The following PCDH15 variants were observed in gnomAD, a reference collection of about 807,000 sequenced individuals.
The protein encoded by PCDH15 is protocadherin related 15, also known as protocadherin-15.
In PCDH15, 129 loss-of-function variants were observed where a neutral mutation model predicts 178.5. The observed-to-expected ratio is 0.72, with a 90% CI of 0.63 to 0.84. PCDH15 has a LOEUF of 0.84. PCDH15 is among the 40% of genes least tolerant of loss of function. PCDH15 has a pLI of 0.00. For synonymous variants in PCDH15, 800 were observed against 732.0 expected (o/e 1.09, Z -1.50); for missense variants, 2,230 against 2,099.9 (o/e 1.06, Z -1.21).
chr10:55,544,467 A>C (rs1841835548), intron 2 of PCDH15, among the ~76,000 whole-genome samples: 1 of 152,036 alleles, frequency 6.6e-6, no homozygotes, highest in African/African-American at 2.4e-5. Context: ...TCTGTTCTCC[A>C]AAATCTTCTC....
chr10:53,917,639 T>C (rs2083634793), intron 25 of PCDH15, among the ~76,000 whole-genome samples: 1 of 152,150 alleles, frequency 6.6e-6, no homozygotes, highest in South Asian at 2.1e-4. Context: ...TATGTTCTTT[T>C]TTTTCTTGAG....
intron 3 of PCDH15, among the ~76,000 whole-genome samples, chr10:54,832,105 T>C (rs1376832498): frequency 6.6e-6 from 1 of 152,152 alleles, no homozygotes; most frequent in Non-Finnish European, 1.5e-5. Flanking sequence ...GGTTCTTTTA[T>C]GTTCCAATTC....
At chr10:54,149,789 A>G (rs2044338070) in intron 14 of PCDH15, among the ~76,000 whole-genome samples, 1 of 152,178 alleles carries the variant, frequency 6.6e-6, no homozygotes, top group African/African-American at 2.4e-5. Context: ...AAGACTTGTA[A>G]TTGGAAGAAG....
intron 2 of PCDH15, among the ~76,000 whole-genome samples, chr10:55,018,569 G>A (rs748128563): frequency 3.9e-5 from 6 of 151,968 alleles, no homozygotes; most frequent in Non-Finnish European, 7.4e-5. Context: ...GGGATACTGA[G>A]GAATAACTGT....
intron 2 of PCDH15, among the ~76,000 whole-genome samples, chr10:55,434,165 C>CCGCCT (rs1324356847): frequency 1.4e-5 from 2 of 140,812 alleles, no homozygotes; most frequent in African/African-American, 5.4e-5. Context: ...ACTGCAAGCT[C>CCGCCT]CGCCTCCCGG....
intron 6 of PCDH15, among the ~76,000 whole-genome samples, chr10:54,339,221 G>A (rs2384453): frequency 0.071 from 10,820 of 152,128 alleles, 494 homozygotes; most frequent in African/African-American, 0.12. Context: ...TGTCATTCAC[G>A]TTAGTGTAAT....
intron 2 of PCDH15, among the ~76,000 whole-genome samples, chr10:54,565,812 C>T (rs528503383): frequency 3.8e-3 from 579 of 152,234 alleles, no homozygotes; most frequent in African/African-American, 0.012. Context: ...AGGCCAGGCG[C>T]GGTGGCTCAT....
intron 2 of PCDH15, among the ~76,000 whole-genome samples, chr10:55,099,251 T>G (rs1009685268): frequency 3.9e-5 from 6 of 152,112 alleles, no homozygotes; most frequent in Admixed American, 3.3e-4. Flanking sequence ...ACTTACAGCT[T>G]CTTCAAATTT....
rs74641761 is a variant in PCDH15, at chr10:54,945,360, G to T, written c.-79-47860C>A. ...TAGATAGATAGATAGATGATAGATA[G>T]ATATATAGATAGATAGATAGATAGA... On this transcript the variant is annotated intron_variant, in intron 2 of 5. Coordinates refer to the PCDH15 transcript ENST00000458638. Among the ~76,000 whole-genome samples, 337 of 139,776 alleles carry T rather than the reference G, an allele frequency of 2.4e-3. 2 individuals carry two copies. Among genetic ancestry groups the T allele is most frequent in the South Asian group, 8.2e-3 (37 of 4,518 alleles). 91.7% of individuals were successfully genotyped at this position (139,776 alleles called of 152,430 possible).
At chr10:54,341,436 G>T (rs994843232) in intron 6 of PCDH15, among the ~76,000 whole-genome samples, 1 of 152,164 alleles carries the variant, frequency 6.6e-6, no homozygotes, top group Non-Finnish European at 1.5e-5. Flanking sequence ...ATGATTGTAA[G>T]TTTCCTGAGG....
At chr10:55,222,834 T>C (rs1017582063) in intron 1 of PCDH15, among the ~76,000 whole-genome samples, 2 of 151,014 alleles carry the variant, frequency 1.3e-5, no homozygotes, top group African/African-American at 2.4e-5. Flanking sequence ...GTGAGAAATG[T>C]CATTCTAAAA....
chr10:54,062,227 C>CAAAAAAAAAAAAAAAAAAAAAAAAAAAA (rs72361686), intron 18 of PCDH15, among the ~76,000 whole-genome samples: 3 of 53,836 alleles, frequency 5.6e-5, no homozygotes, highest in Admixed American at 1.9e-4. Flanking sequence ...GATTCTGTCT[C>CAAAAAAAAAAAAAAAAAAAAAAAAAAAA]AAAAAAAAAA....
intron 18 of PCDH15, among the ~76,000 whole-genome samples, chr10:54,052,825 G>A (rs2093807107): frequency 6.6e-6 from 1 of 152,120 alleles, no homozygotes; most frequent in South Asian, 2.1e-4. Flanking sequence ...GTTGTGGGAG[G>A]AACCCAGTGG....
chr10:55,266,389 T>G (rs1842294915), intron 1 of PCDH15, among the ~76,000 whole-genome samples: 2 of 152,140 alleles, frequency 1.3e-5, no homozygotes, highest in Admixed American at 1.3e-4. Flanking sequence ...TCATCCATAT[T>G]TTAACAGCAG....
At chr10:54,018,162 C>T (rs993947250) in intron 20 of PCDH15, among the ~76,000 whole-genome samples, 1 of 152,066 alleles carries the variant, frequency 6.6e-6, no homozygotes. Context: ...ACCTTCTTTT[C>T]CTTAGGACCC....
At chr10:54,557,092 T>G (rs897325605) in intron 2 of PCDH15, among the ~76,000 whole-genome samples, 1 of 152,178 alleles carries the variant, frequency 6.6e-6, no homozygotes, top group East Asian at 1.9e-4. Flanking sequence ...AAAAGGCTAC[T>G]CACCTTGTCT....
intron 3 of PCDH15, among the ~76,000 whole-genome samples, chr10:54,889,677 T>C (rs769876055): frequency 5.2e-4 from 79 of 151,594 alleles, no homozygotes; most frequent in Admixed American, 8.6e-4. Flanking sequence ...GATGATACTT[T>C]ATCTATAATA....
chr10:55,561,637 CAT>C (rs1842203168), intron 2 of PCDH15, among the ~76,000 whole-genome samples: 1 of 151,798 alleles, frequency 6.6e-6, no homozygotes, highest in South Asian at 2.1e-4. Flanking sequence ...GAGAGTACCA[CAT>C]GTTTGCCTTA....
chr10:54,425,647 A>G (rs1956186387), intron 3 of PCDH15, among the ~76,000 whole-genome samples: 1 of 152,176 alleles, frequency 6.6e-6, no homozygotes, highest in South Asian at 2.1e-4. Flanking sequence ...TTTGAATTGC[A>G]TAATGAAGGA....
Sources: gnomAD v4.1 joint callset for allele counts (sites outside exome capture counted in the v4.1 genomes callset) on GRCh38, gnomAD v4.1.1 for gene constraint, MANE v1.5 for transcripts, NCBI Gene and HGNC (gene_info 2026-07-23, HGNC 2026-07-21) for gene names.